MACF1: variants seen among roughly 807,000 people sequenced by gnomAD.
MACF1 encodes microtubule actin crosslinking factor 1, also known as microtubule-actin cross-linking factor 1.
MACF1 carries 193 observed loss-of-function variants against 854.8 expected under a neutral mutation model. The observed-to-expected ratio is 0.23, with a 90% CI of 0.20 to 0.25. MACF1 has a LOEUF of 0.25. Ranked by LOEUF, MACF1 falls within the 10% of genes least tolerant of loss-of-function variation. The pLI is 1.00. For missense variants in MACF1, 7,722 were observed against 8,929.1 expected (o/e 0.86, Z 5.45); for synonymous variants, 3,185 against 3,226.7 (o/e 0.99, Z 0.44).
chr1:39,234,584 C>G (rs1461579054), intron 2 of MACF1, among the ~76,000 whole-genome samples: 1 of 52,196 alleles, frequency 1.9e-5, no homozygotes, highest in African/African-American at 7.9e-5. Context: ...GGCGGCTGGC[C>G]TGGCGGGGGG....
chr1:39,423,955 G>C, intron 60 of MACF1, 73 bp from the exon 61 acceptor site: 2 of 1,368,506 alleles, frequency 1.5e-6, no homozygotes, highest in Non-Finnish European at 2.0e-6. Context: ...GGTTTCTTTT[G>C]TTTTTTTTCT....
intron 1 of MACF1, among the ~76,000 whole-genome samples, chr1:39,229,852 C>G (rs184758079): frequency 6.6e-6 from 1 of 152,158 alleles, no homozygotes; most frequent in East Asian, 1.9e-4. Context: ...TCCTCCCACC[C>G]TCCCACCTCA....
Position 39,099,477 on chromosome 1 carries a change from A to G in MACF1, c.220+15039A>G, listed in dbSNP as rs1048090922. 5.3e-5 allele frequency among the ~76,000 whole-genome samples: 8 copies of G among 152,194 alleles called. No individual in the cohort carries two copies. The East Asian group carries it at 1.5e-3, about 29-fold the overall frequency. Reference sequence around the variant, plus strand: ...TGGCCTAAGAATTTCTTTATAAAGCATCAGTTAACACATAAAATAATGCAG... The same window carrying G: ...TGGCCTAAGAATTTCTTTATAAAGCGTCAGTTAACACATAAAATAATGCAG... On this transcript the variant is annotated intron_variant, in intron 2 of 93. Coordinates refer to the MACF1 transcript ENST00000361689.
intron 2 of MACF1, among the ~76,000 whole-genome samples, chr1:39,131,565 G>A (rs931279288): frequency 6.6e-6 from 1 of 152,086 alleles, no homozygotes; most frequent in East Asian, 1.9e-4. Context: ...TGAGAGCTGC[G>A]AGAACATCTC....
chr1:39,374,177 G>T (rs910710322), intron 52 of MACF1, among the ~76,000 whole-genome samples: 6 of 152,198 alleles, frequency 3.9e-5, no homozygotes, highest in African/African-American at 9.6e-5. Context: ...GGGAGGCAGA[G>T]GTTGCAGTGA....
At chr1:39,436,580 G>A in intron 70 of MACF1, 2 of 1,260,794 alleles carry the variant, frequency 1.6e-6, no homozygotes, top group Non-Finnish European at 2.3e-6. Flanking sequence ...CTTAACTTTA[G>A]TGGAATAAAT....
rs371592742 is a variant in MACF1, at chr1:39,295,029, T to C, written c.2155-17T>C. The C allele has an allele frequency of 7.5e-6, 12 of 1,594,292 alleles. No individual in the cohort carries two copies. The African/African-American group carries it at 8.1e-5, about 11-fold the overall frequency. ...TGCCAAGAGTGCTTATGCTGTAAAATTGAATTCCATTTTCAGGAGTTGACA... is the reference window on the plus strand; with the variant it reads ...TGCCAAGAGTGCTTATGCTGTAAAACTGAATTCCATTTTCAGGAGTTGACA... On this transcript the variant is annotated splice_polypyrimidine_tract_variant and intron_variant, in intron 18 of 100. Coordinates refer to ENST00000564288, the MANE Select transcript of MACF1 (RefSeq NM_001394062.1).
chr1:39,484,852 AAGAC>A, intron 100 of MACF1, 122 bp downstream of exon 100: 2 of 1,106,308 alleles, frequency 1.8e-6, no homozygotes, highest in South Asian at 2.6e-5. Flanking sequence ...GATGCCCAGA[AAGAC>A]AGACCTGCAG....
chr1:39,349,296 A>C (rs1011488972), intron 41 of MACF1, among the ~76,000 whole-genome samples, 182 bp from the exon 42 acceptor site: 8 of 152,338 alleles, frequency 5.3e-5, no homozygotes, highest in Non-Finnish European at 1.0e-4. Flanking sequence ...GACCCAGATC[A>C]ATGGACTGTC....
In MACF1 at chr1:39,206,668, G is replaced by A. The variant is rs188607711; in HGVS notation, c.109+1537G>A. ...ACAACTTTGATTCTAATACCAAATAGTTATATCGGGAATGTGCTACGTTTG... is the reference window on the plus strand; with the variant it reads ...ACAACTTTGATTCTAATACCAAATAATTATATCGGGAATGTGCTACGTTTG... On this transcript the variant is annotated intron_variant, in intron 1 of 100. Coordinates refer to ENST00000564288, the MANE Select transcript of MACF1 (RefSeq NM_001394062.1). 1.6e-4 allele frequency: 24 copies of A among 152,122 alleles called. No homozygotes were observed. In the East Asian group the frequency reaches 3.9e-3, roughly 24 times the overall value. The allele number at this position is 152,122 out of a possible 1,614,324, so 9.4% of individuals were successfully genotyped here.
intron 2 of MACF1, among the ~76,000 whole-genome samples, chr1:39,185,925 G>A (rs1644162988): frequency 1.3e-5 from 2 of 152,088 alleles, no homozygotes; most frequent in African/African-American, 4.8e-5. Flanking sequence ...TTTGATTTGG[G>A]AGCCCCCTGA....
At chr1:39,107,928 A>G (rs541144978) in intron 2 of MACF1, among the ~76,000 whole-genome samples, 3 of 152,240 alleles carry the variant, frequency 2.0e-5, no homozygotes, top group Non-Finnish European at 1.5e-5. Context: ...AACTGCCCCT[A>G]GGGCCAATGG....
chr1:39,290,779 T>C (rs1037831924), intron 15 of MACF1, among the ~76,000 whole-genome samples: 1 of 151,678 alleles, frequency 6.6e-6, no homozygotes, highest in African/African-American at 2.4e-5. Context: ...GCGATTCTCC[T>C]GTCTCAGCCT....
intron 41 of MACF1, among the ~76,000 whole-genome samples, chr1:39,347,797 G>A (rs561112157): frequency 1.1e-4 from 17 of 152,022 alleles, no homozygotes; most frequent in South Asian, 1.0e-3. Context: ...GTGCTTATTC[G>A]CTTATTCAAT....
At chr1:39,464,747 C>T (rs1489279049) in intron 94 of MACF1, 1 of 261,934 alleles carries the variant, frequency 3.8e-6, no homozygotes, top group African/African-American at 2.3e-5. Context: ...AACACCCTCT[C>T]TACTAATAAC....
intron 2 of MACF1, among the ~76,000 whole-genome samples, chr1:39,106,775 C>T (rs1171764706): frequency 1.3e-5 from 2 of 151,468 alleles, no homozygotes; most frequent in Non-Finnish European, 2.9e-5. Context: ...AATGAAGAAG[C>T]TGTAAAACGC....
Position 39,324,479 on chromosome 1 carries a change from A to G in MACF1, c.4389+134A>G. The G allele has an allele frequency of 4.1e-6, 5 of 1,229,686 alleles. No individual in the cohort carries two copies. The South Asian group carries it at 6.4e-5, about 16-fold the overall frequency. 76.2% of individuals were successfully genotyped at this position (1,229,686 alleles called of 1,614,324 possible). On this transcript the variant is annotated intron_variant, in intron 34 of 100. Transcript: ENST00000564288. ...GAGTAAATGTTAAAGAAACTTAAGAAGCCATCTTGTTTGTTCTTGTACCTT... is the reference window on the plus strand; with the variant it reads ...GAGTAAATGTTAAAGAAACTTAAGAGGCCATCTTGTTTGTTCTTGTACCTT...
At chr1:39,295,239 A>G in intron 19 of MACF1, 89 bp downstream of exon 19, 1 of 1,073,250 alleles carries the variant, frequency 9.3e-7, no homozygotes, top group Non-Finnish European at 1.4e-6. Context: ...CCACTGAAAG[A>G]CTTGGAGGAA....
intron 6 of MACF1, chr1:39,269,721 G>A (rs959870591): frequency 3.9e-6 from 5 of 1,287,258 alleles, no homozygotes; most frequent in Non-Finnish European, 5.1e-6. Flanking sequence ...TCTGGAAGAG[G>A]TAGGTGGGCA....
Sources: allele counts gnomAD v4.1 joint callset (sites outside exome capture counted in the v4.1 genomes callset), GRCh38; gene constraint gnomAD v4.1.1; transcripts MANE v1.5; gene names NCBI Gene and HGNC (gene_info 2026-07-23, HGNC 2026-07-21).